EIPR1: variants seen among roughly 807,000 people sequenced by gnomAD.
EIPR1 encodes the protein EARP complex and GARP complex interacting protein 1.
A neutral mutation model predicts 48.1 loss-of-function variants in EIPR1; 25 were observed. That is an observed-to-expected ratio of 0.52 (90% CI 0.38 to 0.73). The LOEUF is 0.73. Among genes scored for constraint, EIPR1 ranks in the 30% least tolerant of loss-of-function variants. EIPR1 has a pLI of 0.00. For synonymous variants in EIPR1, 204 were observed against 201.9 expected (o/e 1.01, Z -0.09); for missense variants, 415 against 506.2 (o/e 0.82, Z 1.73).
intron 4 of EIPR1, among the ~76,000 whole-genome samples, chr2:3,250,775 A>T (rs1026982229): frequency 1.3e-5 from 2 of 152,126 alleles, no homozygotes; most frequent in African/African-American, 4.8e-5. Context: ...TTCCCACAAG[A>T]TTCGCTTGTT....
intron 5 of EIPR1, chr2:3,207,699 T>G (rs1665285553): frequency 6.6e-6 from 1 of 152,214 alleles, no homozygotes; most frequent in Non-Finnish European, 1.5e-5. Flanking sequence ...TTGTTTTGTA[T>G]TACCAGAAAG....
chr2:3,322,896 C>T (rs980260932), intron 3 of EIPR1, among the ~76,000 whole-genome samples: 2 of 152,232 alleles, frequency 1.3e-5, no homozygotes, highest in African/African-American at 4.8e-5. Context: ...CCGTCCCTCC[C>T]GCAGCTGCCG....
intron 4 of EIPR1, among the ~76,000 whole-genome samples, chr2:3,239,651 C>T (rs529912022): frequency 7.2e-5 from 11 of 152,266 alleles, no homozygotes; most frequent in African/African-American, 2.4e-4. Context: ...CCACATGTGG[C>T]CCTGCCCTCA....
At chr2:3,213,925 T>C (rs1665537785) in intron 5 of EIPR1, among the ~76,000 whole-genome samples, 2 of 152,214 alleles carry the variant, frequency 1.3e-5, no homozygotes, top group South Asian at 2.1e-4. Context: ...TATGTATACA[T>C]GTGCCGTGTT....
intron 3 of EIPR1, chr2:3,274,380 AG>A: frequency 6.4e-7 from 1 of 1,550,648 alleles, no homozygotes; most frequent in South Asian, 1.2e-5. Context: ...TGACTTCCCA[AG>A]AGCACCAAAG....
intron 2 of EIPR1, among the ~76,000 whole-genome samples, chr2:3,347,049 CCTCA>C (rs1242632034): frequency 1.3e-5 from 2 of 152,142 alleles, no homozygotes; most frequent in Non-Finnish European, 2.9e-5. Flanking sequence ...TGGCACTCCC[CCTCA>C]CTCTTTGCTC....
intron 3 of EIPR1, among the ~76,000 whole-genome samples, chr2:3,332,673 T>G (rs1669935989): frequency 6.6e-6 from 1 of 152,192 alleles, no homozygotes; most frequent in Non-Finnish European, 1.5e-5. Flanking sequence ...CATTTTGCTT[T>G]CATGGAGATG....
In EIPR1 at chr2:3,208,731, C is replaced by T. The variant is rs761390986; in HGVS notation, c.516+5418G>A. 79 of 1,548,578 alleles carry T rather than the reference C, an allele frequency of 5.1e-5. No homozygotes were observed. The African/African-American group carries it at 7.6e-4, about 15-fold the overall frequency. On this transcript the variant is annotated intron_variant, in intron 5 of 8. Coordinates refer to ENST00000382125, the MANE Select transcript of EIPR1 (RefSeq NM_003310.5). Reference sequence around the variant, plus strand: ...GGGTCCTTCTTCCATGCGTGAGGCTCGTGGCGGGTCCTTCTGTGAGTGAGG... The same window carrying T: ...GGGTCCTTCTTCCATGCGTGAGGCTTGTGGCGGGTCCTTCTGTGAGTGAGG...
At chr2:3,223,160 A>C (rs996135753) in intron 4 of EIPR1, among the ~76,000 whole-genome samples, 1 of 152,184 alleles carries the variant, frequency 6.6e-6, no homozygotes, top group South Asian at 2.1e-4. Flanking sequence ...CAACGAAGAG[A>C]GATGTGGCCT....
chr2:3,212,167 G>A (rs1665478919), intron 5 of EIPR1, among the ~76,000 whole-genome samples: 1 of 152,074 alleles, frequency 6.6e-6, no homozygotes, highest in Non-Finnish European at 1.5e-5. Flanking sequence ...TGCTGACAGT[G>A]GATAAAAAAG....
intron 3 of EIPR1, among the ~76,000 whole-genome samples, chr2:3,266,611 C>T (rs535086559): frequency 6.6e-6 from 1 of 152,338 alleles, no homozygotes; most frequent in Non-Finnish European, 1.5e-5. Context: ...CTCTGACAAG[C>T]TCTGCTGGCC....
At chr2:3,287,905 A>G (rs192724342) in intron 3 of EIPR1, among the ~76,000 whole-genome samples, 14 of 149,548 alleles carry the variant, frequency 9.4e-5, no homozygotes, top group African/African-American at 2.7e-4. Context: ...TGTAGCCCCT[A>G]TGTACCCAGG....
intron 5 of EIPR1, among the ~76,000 whole-genome samples, chr2:3,206,569 T>A (rs568777550): frequency 6.6e-6 from 1 of 152,332 alleles, no homozygotes; most frequent in South Asian, 2.1e-4. Flanking sequence ...TTAGTTTATT[T>A]CTAAAAGGAT....
At chr2:3,237,423 A>T (rs1011678451) in intron 4 of EIPR1, among the ~76,000 whole-genome samples, 2 of 152,190 alleles carry the variant, frequency 1.3e-5, no homozygotes, top group Non-Finnish European at 2.9e-5. Context: ...AGTCCAGTCT[A>T]TTGTTACAGG....
At position 3,324,762 on chromosome 2, in the gene EIPR1, C is replaced by T. The variant is rs548428167; in HGVS notation, c.259+13255G>A. Among the ~76,000 whole-genome samples, 15 of 152,348 alleles carry T rather than the reference C, an allele frequency of 9.8e-5. No homozygotes were observed. In the East Asian group the frequency reaches 1.4e-3, roughly 14 times the overall value. Reference sequence around the variant, plus strand: ...CCCCAGGATCCAGCCTCGTGGGCCCCGGTCACGCCGGGGGGAGTGCAGGCG... The same window carrying T: ...CCCCAGGATCCAGCCTCGTGGGCCCTGGTCACGCCGGGGGGAGTGCAGGCG... On this transcript the variant is annotated intron_variant, in intron 3 of 8. Coordinates refer to ENST00000382125, the MANE Select transcript of EIPR1 (RefSeq NM_003310.5).
chr2:3,245,479 T>C (rs950911496), intron 4 of EIPR1, among the ~76,000 whole-genome samples: 2 of 152,204 alleles, frequency 1.3e-5, no homozygotes, highest in African/African-American at 4.8e-5. Context: ...TCCCAAAATG[T>C]TGAGATTATA....
chr2:3,297,138 T>G lies in EIPR1; in HGVS notation c.260-39683A>C, dbSNP rs554615788. 1.1e-4 allele frequency among the ~76,000 whole-genome samples: 17 copies of G among 152,302 alleles called. No homozygotes were observed. In the East Asian group the frequency reaches 3.3e-3, roughly 29 times the overall value. On this transcript the variant is annotated intron_variant, in intron 3 of 8. Transcript: ENST00000382125. ...TCTGTGGCTCCAGCATTTGGGACAG[T>G]GTGGCACATGCTAGGAGCTCAGCAT...
chr2:3,234,259 G>A (rs1446488449), intron 4 of EIPR1, among the ~76,000 whole-genome samples: 1 of 152,204 alleles, frequency 6.6e-6, no homozygotes, highest in Non-Finnish European at 1.5e-5. Flanking sequence ...AATGTCACTG[G>A]CTGAAAATAC....
intron 3 of EIPR1, among the ~76,000 whole-genome samples, chr2:3,297,693 C>T (rs1668644050): frequency 6.6e-6 from 1 of 152,228 alleles, no homozygotes; most frequent in Non-Finnish European, 1.5e-5. Flanking sequence ...ACAGACATTA[C>T]AGAAATAAGC....
Sources: allele counts gnomAD v4.1 joint callset (sites outside exome capture counted in the v4.1 genomes callset), GRCh38; gene constraint gnomAD v4.1.1; transcripts MANE v1.5; gene names NCBI Gene and HGNC (gene_info 2026-07-23, HGNC 2026-07-21).